SOS1: variants seen among roughly 807,000 people sequenced by gnomAD.
The protein encoded by SOS1 is SOS Ras/Rac guanine nucleotide exchange factor 1.
Under a neutral mutation model 157.6 loss-of-function variants are expected in SOS1, and 25 were observed. That is an observed-to-expected ratio of 0.16 (90% CI 0.12 to 0.22). SOS1 has a LOEUF of 0.22. Among genes scored for constraint, SOS1 ranks in the 10% least tolerant of loss-of-function variants. SOS1 has a pLI of 1.00. For synonymous variants in SOS1, 528 were observed against 534.0 expected (o/e 0.99, Z 0.16); for missense variants, 1,237 against 1,599.1 (o/e 0.77, Z 3.86).
At chr2:39,110,580 A>G (rs1673388447) in intron 1 of SOS1, among the ~76,000 whole-genome samples, 1 of 152,224 alleles carries the variant, frequency 6.6e-6, no homozygotes, top group African/African-American at 2.4e-5. Flanking sequence ...GGTTTCTTCA[A>G]CGGATAGTTC....
At chr2:39,016,402 A>G (rs1327453559) in intron 10 of SOS1, among the ~76,000 whole-genome samples, 1 of 152,106 alleles carries the variant, frequency 6.6e-6, no homozygotes, top group East Asian at 1.9e-4. Context: ...GTTTGTCTTC[A>G]GTTACAGAGT....
intron 1 of SOS1, among the ~76,000 whole-genome samples, chr2:39,075,979 T>C (rs1239595943): frequency 6.6e-6 from 1 of 152,228 alleles, no homozygotes; most frequent in East Asian, 1.9e-4. Context: ...ACAAAGAATG[T>C]AATTTTACCT....
upstream of SOS1, chr2:39,124,470 G>A (rs1674006552): frequency 6.6e-6 from 1 of 152,280 alleles, no homozygotes; most frequent in Admixed American, 6.5e-5. Context: ...AGTTCCGAGC[G>A]CGGCGCATCG....
At chr2:39,064,435 T>C (rs1448146449) in intron 2 of SOS1, among the ~76,000 whole-genome samples, 1 of 152,190 alleles carries the variant, frequency 6.6e-6, no homozygotes, top group Non-Finnish European at 1.5e-5. Context: ...TATCAGGAAA[T>C]AATTTTCCAT....
At chr2:39,000,543 C>T (rs1009799219) in intron 17 of SOS1, among the ~76,000 whole-genome samples, 1 of 152,126 alleles carries the variant, frequency 6.6e-6, no homozygotes. Context: ...GAAAACAGAG[C>T]ATTATGACAA....
At position 38,983,613 on chromosome 2, in the gene SOS1, G is replaced by C. The variant is rs1668464116; in HGVS notation, c.*2211C>G. The stretch of plus-strand genomic sequence containing the variant: ...CTAACACATTAGCCGAAGACATACT[G>C]AAGGGGGTCCAATGTGACTTTTACC... On this transcript the variant is annotated 3_prime_UTR_variant, in exon 23 of 23. Coordinates refer to ENST00000402219, the MANE Select transcript of SOS1 (RefSeq NM_005633.4). 1 of 152,168 alleles carries C rather than the reference G, an allele frequency of 6.6e-6. No homozygotes were observed. The highest frequency in any genetic ancestry group is 2.1e-4 in the South Asian group (1 of 4,830). The allele number at this position is 152,168 out of a possible 1,614,324, so 9.4% of individuals were successfully genotyped here. A position where few individuals can be genotyped will look rare whatever the true frequency, so the allele number is the denominator to read the frequency against.
chr2:39,074,217 G>T (rs1446653928), intron 1 of SOS1, among the ~76,000 whole-genome samples: 2 of 152,102 alleles, frequency 1.3e-5, no homozygotes, highest in Non-Finnish European at 2.9e-5. Flanking sequence ...AGGTGCGGTG[G>T]TGCCCACCTA....
chr2:39,000,349 GT>G (rs1382810018), intron 17 of SOS1, among the ~76,000 whole-genome samples: 2 of 152,022 alleles, frequency 1.3e-5, no homozygotes, highest in East Asian at 3.8e-4. Flanking sequence ...CACATATATA[GT>G]TTAATAAAAA....
At chr2:39,055,689 A>C (rs1479218289) in intron 4 of SOS1, among the ~76,000 whole-genome samples, 1 of 152,214 alleles carries the variant, frequency 6.6e-6, no homozygotes, top group African/African-American at 2.4e-5. Context: ...AATCAGTAAG[A>C]GTATAATGAG....
intron 8 of SOS1, among the ~76,000 whole-genome samples, chr2:39,033,522 T>G (rs557852524): frequency 2.0e-4 from 31 of 152,196 alleles, no homozygotes; most frequent in African/African-American, 7.5e-4. Flanking sequence ...TGGGTTCATT[T>G]GGAGGGGAAG....
chr2:39,084,614 AAAT>A (rs1366042982), intron 1 of SOS1, among the ~76,000 whole-genome samples: 1 of 152,178 alleles, frequency 6.6e-6, no homozygotes, highest in African/African-American at 2.4e-5. Flanking sequence ...TGTGTATATA[AAAT>A]AAAATATAAA....
chr2:39,034,693 TTTA>T (rs1373089956), intron 8 of SOS1: 2 of 380,656 alleles, frequency 5.3e-6, no homozygotes, highest in African/African-American at 4.1e-5. Flanking sequence ...ATTACAGAAA[TTTA>T]TTGTTTCTAA....
chr2:39,070,831 A>G (rs1157865358), intron 1 of SOS1, among the ~76,000 whole-genome samples: 2 of 152,150 alleles, frequency 1.3e-5, no homozygotes, highest in African/African-American at 4.8e-5. Flanking sequence ...GTTAAAAGGG[A>G]CTTTAGAAGT....
intron 1 of SOS1, among the ~76,000 whole-genome samples, chr2:39,112,946 G>C (rs577012888): frequency 3.3e-5 from 5 of 151,966 alleles, no homozygotes; most frequent in African/African-American, 4.8e-5. Flanking sequence ...GGCTGAGGCA[G>C]AGTTGCTGGA....
intron 1 of SOS1, among the ~76,000 whole-genome samples, chr2:39,075,873 A>C (rs1671954211): frequency 6.6e-6 from 1 of 152,046 alleles, no homozygotes; most frequent in African/African-American, 2.4e-5. Flanking sequence ...ATTCCTAAAA[A>C]TTATAAATTA....
chr2:39,106,613 ACAAAAC>A lies in SOS1; in HGVS notation c.87+13717_87+13722del, dbSNP rs1283096560. 1.0e-4 allele frequency among the ~76,000 whole-genome samples: 15 copies of A among 148,562 alleles called. 3 individuals carry two copies. Among genetic ancestry groups the A allele is most frequent in the African/African-American group, 3.9e-4 (15 of 38,564 alleles). On this transcript the variant is annotated intron_variant, in intron 1 of 22. Transcript: ENST00000402219. The stretch of plus-strand genomic sequence containing the variant: ...CTCAAAAAAAAAAACAAAAAAAAAA[ACAAAAC>A]ATCTGAGTAATTCAGGGTCCATAAA...
At chr2:38,996,632 A>G (rs1668904707) in intron 19 of SOS1, among the ~76,000 whole-genome samples, 1 of 152,190 alleles carries the variant, frequency 6.6e-6, no homozygotes, top group Non-Finnish European at 1.5e-5. Flanking sequence ...ATTAGTATAA[A>G]TTCATTAAAA....
chr2:39,088,286 G>C (rs1296757191), intron 1 of SOS1, among the ~76,000 whole-genome samples: 1 of 148,516 alleles, frequency 6.7e-6, no homozygotes, highest in East Asian at 2.0e-4. Context: ...TTCTACTTTA[G>C]TATGCCTGAG....
intron 1 of SOS1, among the ~76,000 whole-genome samples, chr2:39,108,937 A>C (rs1224257612): frequency 6.6e-6 from 1 of 151,284 alleles, no homozygotes; most frequent in South Asian, 2.1e-4. Context: ...AGTGGCTCAC[A>C]TATGTAATCC....
Sources: allele counts gnomAD v4.1 joint callset (sites outside exome capture counted in the v4.1 genomes callset), GRCh38; gene constraint gnomAD v4.1.1; transcripts MANE v1.5; gene names NCBI Gene and HGNC (gene_info 2026-07-23, HGNC 2026-07-21).